TEX9: variants seen among roughly 807,000 people sequenced by gnomAD.
TEX9 encodes testis expressed 9, also known as testis-expressed protein 9.
Under a neutral mutation model 59.6 loss-of-function variants are expected in TEX9, and 74 were observed. The observed-to-expected ratio is 1.24, with a 90% CI of 1.03 to 1.51. The LOEUF is 1.51. Among genes scored for constraint, TEX9 ranks in the 40% most tolerant of loss-of-function variants. The probability of loss-of-function intolerance (pLI) is 0.00; values close to 1 mark genes in which losing one functional copy is unlikely to be tolerated. For synonymous variants in TEX9, 186 were observed against 152.2 expected (o/e 1.22, Z -1.64); for missense variants, 522 against 447.8 (o/e 1.17, Z -1.49).
At chr15:56,444,642 A>C (rs144284822) in intron 12 of TEX9, 1 of 1,610,778 alleles carries the variant, frequency 6.2e-7, no homozygotes, top group Non-Finnish European at 8.5e-7. Flanking sequence ...GTGTTCTTCC[A>C]TCATGGTTTT....
chr15:56,405,471 C>T (rs1290545354), intron 9 of TEX9, among the ~76,000 whole-genome samples: 6 of 152,048 alleles, frequency 3.9e-5, no homozygotes, highest in African/African-American at 4.8e-5. Context: ...ATTAAATGAA[C>T]GTAAGTACCA....
chr15:56,310,411 A>C (rs1465266124), intron 1 of TEX9, among the ~76,000 whole-genome samples: 9 of 152,214 alleles, frequency 5.9e-5, no homozygotes, highest in African/African-American at 2.2e-4. Flanking sequence ...CAGCCTGGGC[A>C]ACAAGAGCAA....
downstream of TEX9, among the ~76,000 whole-genome samples, chr15:56,449,564 A>G (rs1336434868): frequency 6.6e-6 from 1 of 152,206 alleles, no homozygotes; most frequent in Admixed American, 6.5e-5. Flanking sequence ...GGTTTCTCAT[A>G]TCGTATTCAG....
At chr15:56,380,000 TGATTGAA>T (rs529610959) in intron 3 of TEX9, among the ~76,000 whole-genome samples, 87 of 152,182 alleles carry the variant, frequency 5.7e-4, no homozygotes, top group Admixed American at 9.2e-4. Context: ...GTCCGTCTTT[TGATTGAA>T]GAGTTTAGTG....
At chr15:56,379,071 C>CAAAAAAAAAAAAAAAAAAAAAAA (rs199787439) in intron 3 of TEX9, among the ~76,000 whole-genome samples, 1 of 50,198 alleles carries the variant, frequency 2.0e-5, no homozygotes, top group African/African-American at 5.1e-5. Context: ...CTCAAAGAAA[C>CAAAAAAAAAAAAAAAAAAAAAAA]AAAAAAAAAA....
At chr15:56,416,676 T>C (rs970178129) in intron 10 of TEX9, among the ~76,000 whole-genome samples, 1 of 151,816 alleles carries the variant, frequency 6.6e-6, no homozygotes, top group Non-Finnish European at 1.5e-5. Flanking sequence ...TTTTCTTTTT[T>C]GGTTGTCTGT....
chr15:56,274,875 T>C (rs1703280504), intron 1 of TEX9, among the ~76,000 whole-genome samples: 1 of 152,130 alleles, frequency 6.6e-6, no homozygotes, highest in African/African-American at 2.4e-5. Flanking sequence ...AACTTTAGGG[T>C]GAGAATTAGT....
the TEX9 span, among the ~76,000 whole-genome samples, chr15:56,459,308 C>G: frequency 3.3e-5 from 5 of 152,140 alleles, no homozygotes; most frequent in African/African-American, 4.8e-5. Flanking sequence ...CTTTTTATGG[C>G]TGTGTAATAT....
At chr15:56,373,547 GT>G (rs752836407) in intron 3 of TEX9, 43 bp downstream of exon 3, 7 of 1,456,054 alleles carry the variant, frequency 4.8e-6, no homozygotes, top group South Asian at 1.4e-5. Context: ...ATAAATGCTA[GT>G]TTTTTATCTT....
At chr15:56,412,652 G>A (rs1163783155) in intron 10 of TEX9, among the ~76,000 whole-genome samples, 4 of 152,108 alleles carry the variant, frequency 2.6e-5, no homozygotes, top group Non-Finnish European at 5.9e-5. Context: ...CAACTCTTTG[G>A]AAGATTGATT....
At chr15:56,403,129 G>C (rs2048883958) in intron 9 of TEX9, among the ~76,000 whole-genome samples, 1 of 152,206 alleles carries the variant, frequency 6.6e-6, no homozygotes, top group Admixed American at 6.5e-5. Context: ...TGGAAGTTCT[G>C]GCCAGGGCCA....
chr15:56,459,990 CAAAAAAA>C, the TEX9 span, among the ~76,000 whole-genome samples: 13 of 11,110 alleles, frequency 1.2e-3, no homozygotes, highest in African/African-American at 5.4e-3. Context: ...AATTCTGTCT[CAAAAAAA>C]AAAAAAAAAA....
At chr15:56,443,323 A>C in intron 12 of TEX9, 2 of 775,382 alleles carry the variant, frequency 2.6e-6, no homozygotes, top group Non-Finnish European at 3.8e-6. Context: ...TTTACATATA[A>C]TGTAATTACC....
chr15:56,318,538 G>T (rs967319970), intron 1 of TEX9, among the ~76,000 whole-genome samples: 1 of 151,932 alleles, frequency 6.6e-6, no homozygotes, highest in Admixed American at 6.6e-5. Context: ...TACTGATGAG[G>T]TAAGATTTAT....
At chr15:56,300,078 G>T (rs1442277827) in intron 1 of TEX9, among the ~76,000 whole-genome samples, 1 of 152,114 alleles carries the variant, frequency 6.6e-6, no homozygotes, top group East Asian at 1.9e-4. Context: ...GGGGTCCCCA[G>T]TTCCAGTCCT....
chr15:56,366,512 C>CT (rs2046952329), intron 2 of TEX9, among the ~76,000 whole-genome samples: 1 of 152,140 alleles, frequency 6.6e-6, no homozygotes, highest in Non-Finnish European at 1.5e-5. Flanking sequence ...CCTTGTTGGT[C>CT]TTTTTCATTG....
intron 1 of TEX9, among the ~76,000 whole-genome samples, chr15:56,249,969 G>C (rs1438551842): frequency 6.6e-6 from 1 of 152,072 alleles, no homozygotes; most frequent in African/African-American, 2.4e-5. Flanking sequence ...GGAATTGCCA[G>C]TGAGGATGTC....
At chr15:56,345,038 G>GATATATAT (rs58688246) in intron 1 of TEX9, among the ~76,000 whole-genome samples, 52 of 141,502 alleles carry the variant, frequency 3.7e-4, no homozygotes, top group Admixed American at 1.1e-3. Context: ...TATCTATCTG[G>GATATATAT]ATATATATAT....
chr15:56,403,130 GC>G (rs1475065376), intron 9 of TEX9, among the ~76,000 whole-genome samples: 1 of 152,192 alleles, frequency 6.6e-6, no homozygotes, highest in African/African-American at 2.4e-5. Flanking sequence ...GGAAGTTCTG[GC>G]CAGGGCCATC....
Sources: allele counts gnomAD v4.1 joint callset (sites outside exome capture counted in the v4.1 genomes callset), GRCh38; gene constraint gnomAD v4.1.1; transcripts MANE v1.5; gene names NCBI Gene and HGNC (gene_info 2026-07-23, HGNC 2026-07-21).